BMPER: variants seen among roughly 807,000 people sequenced by gnomAD.
BMPER encodes BMP binding endothelial regulator.
Under a neutral mutation model 87.3 loss-of-function variants are expected in BMPER, and 45 were observed. The ratio of observed to expected loss-of-function variants is 0.52; its 90% CI spans 0.41 to 0.66. BMPER has a LOEUF of 0.66. Ranked by LOEUF, BMPER falls within the 30% of genes least tolerant of loss-of-function variation. The pLI, the probability that BMPER is intolerant of heterozygous loss-of-function variation, is 0.00. For missense variants in BMPER, 784 were observed against 867.5 expected (o/e 0.90, Z 1.21); for synonymous variants, 326 against 316.2 (o/e 1.03, Z -0.33).
intron 6 of BMPER, among the ~76,000 whole-genome samples, chr7:34,022,224 C>T (rs373704782): frequency 6.6e-6 from 1 of 152,072 alleles, no homozygotes; most frequent in South Asian, 2.1e-4. Flanking sequence ...GAAACTAAAA[C>T]GATTCCCACT....
chr7:34,123,540 A>T (rs1479997258), intron 13 of BMPER, among the ~76,000 whole-genome samples: 1 of 152,192 alleles, frequency 6.6e-6, no homozygotes, highest in African/African-American at 2.4e-5. Flanking sequence ...AATCTCCCTG[A>T]TGATTCTAAA....
intron 2 of BMPER, among the ~76,000 whole-genome samples, chr7:33,924,955 C>T (rs1047942091): frequency 3.3e-5 from 5 of 152,206 alleles, no homozygotes; most frequent in Non-Finnish European, 5.9e-5. Flanking sequence ...AGCCACTGCA[C>T]CCGGCCTAAA....
At chr7:33,973,569 G>T (rs1003994928) in intron 5 of BMPER, among the ~76,000 whole-genome samples, 1 of 152,228 alleles carries the variant, frequency 6.6e-6, no homozygotes, top group Admixed American at 6.5e-5. Context: ...AGATCAGGTG[G>T]ATGTAATGCC....
rs371283313 is a variant in BMPER at position 33,957,737 on chromosome 7, A to G, written c.320-8742A>G. Among the ~76,000 whole-genome samples the G allele has an allele frequency of 1.2e-4, 18 of 152,304 alleles. No homozygotes were observed. In the South Asian group the frequency reaches 3.5e-3, roughly 30 times the overall value. On this transcript the variant is annotated intron_variant, in intron 3 of 14. Transcript: ENST00000649409. ...CAAAGGGTGCATGGAACCTACCTGTATATTTGTTTGCACCTTTCTGTGAAT... is the reference window on the plus strand; with the variant it reads ...CAAAGGGTGCATGGAACCTACCTGTGTATTTGTTTGCACCTTTCTGTGAAT...
At chr7:33,966,330 T>A in intron 3 of BMPER, 149 bp from the exon 4 acceptor site, 1 of 686,804 alleles carries the variant, frequency 1.5e-6, no homozygotes, top group Non-Finnish European at 2.7e-6. Context: ...AAGGCTTAGT[T>A]GTGTTTTGGG....
In BMPER at chr7:34,058,146, A is replaced by C. The variant is rs1408961967; in HGVS notation, c.1015A>C (p.Ile339Leu). The change falls in exon 10 of 15, where the codon ATC (isoleucine) becomes CTC (leucine). Residue 339 changes from isoleucine to leucine, a missense_variant. Coordinates refer to ENST00000649409, the MANE Select transcript of BMPER (RefSeq NM_001365308.1). Reference sequence around the variant, plus strand: ...GTGTCGCAATAAGCAGTGCATTCCCATCAGTAGCTGCCCACAGGTATGTTT... The same window carrying C: ...GTGTCGCAATAAGCAGTGCATTCCCCTCAGTAGCTGCCCACAGGTATGTTT... ...TECRNKQCIP[I>L]SSCPQGKILN... is the part of the protein sequence containing the mutation. 1 of 1,613,972 alleles carries C rather than the reference A, an allele frequency of 6.2e-7. No individual in the cohort carries two copies. The highest frequency in any genetic ancestry group is 8.5e-7 in the Non-Finnish European group (1 of 1,179,884).
intron 6 of BMPER, among the ~76,000 whole-genome samples, chr7:34,001,411 T>G (rs910272352): frequency 7.9e-5 from 12 of 151,940 alleles, no homozygotes; most frequent in Non-Finnish European, 1.8e-4. Context: ...TTCAGTAGTT[T>G]GTGTGTTTCT....
At chr7:34,001,131 T>C (rs1392896251) in intron 6 of BMPER, among the ~76,000 whole-genome samples, 13 of 151,974 alleles carry the variant, frequency 8.6e-5, no homozygotes, top group Admixed American at 8.5e-4. Context: ...GTTTGATCTG[T>C]AGGGTTTTTG....
chr7:33,925,331 C>G (rs542178959), intron 2 of BMPER, among the ~76,000 whole-genome samples: 1 of 152,150 alleles, frequency 6.6e-6, no homozygotes, highest in African/African-American at 2.4e-5. Context: ...GATGACTTGC[C>G]CTTTTCGTAG....
chr7:34,059,318 C>G (rs1053622721), intron 10 of BMPER, among the ~76,000 whole-genome samples: 2 of 152,006 alleles, frequency 1.3e-5, no homozygotes, highest in Non-Finnish European at 2.9e-5. Context: ...AGCAGGCCGC[C>G]GTGGAGTTTC....
intron 6 of BMPER, among the ~76,000 whole-genome samples, chr7:33,977,709 A>G (rs1785724726): frequency 6.6e-6 from 1 of 152,188 alleles, no homozygotes; most frequent in Admixed American, 6.5e-5. Flanking sequence ...TATTTATGTG[A>G]CTATATATTT....
intron 6 of BMPER, among the ~76,000 whole-genome samples, chr7:33,978,366 C>G (rs1299419908): frequency 6.6e-6 from 1 of 152,212 alleles, no homozygotes; most frequent in Non-Finnish European, 1.5e-5. Flanking sequence ...GTTACCCACT[C>G]TCAGATATTT....
At chr7:34,002,855 T>C (rs1278308109) in intron 6 of BMPER, among the ~76,000 whole-genome samples, 1 of 151,770 alleles carries the variant, frequency 6.6e-6, no homozygotes, top group African/African-American at 2.4e-5. Flanking sequence ...CTTTGCATAG[T>C]ATATCTTTCT....
chr7:33,908,943 G>T (rs887305091), intron 2 of BMPER, among the ~76,000 whole-genome samples: 5 of 152,140 alleles, frequency 3.3e-5, no homozygotes, highest in African/African-American at 9.7e-5. Flanking sequence ...TAACACTCTT[G>T]TACATTTCCA....
In BMPER at chr7:33,939,773, C is replaced by A. The variant is rs151088484; in HGVS notation, c.319+2385C>A. Among the ~76,000 whole-genome samples the A allele has an allele frequency of 2.8e-4, 42 of 152,258 alleles. 2 individuals are homozygous for A. In the East Asian group the frequency reaches 7.9e-3, roughly 29 times the overall value. Reference sequence around the variant, plus strand: ...ATGATTGTAACTTTCCTGAGGCCTCCCCAGCCATGCTGAGCTGTGACGCAA... The same window carrying A: ...ATGATTGTAACTTTCCTGAGGCCTCACCAGCCATGCTGAGCTGTGACGCAA... On this transcript the variant is annotated intron_variant, in intron 3 of 14. Transcript: ENST00000649409.
rs746133977 is a variant in BMPER at position 34,041,025 on chromosome 7, T to C, written c.577-5281T>C. ...TACCAGGGAAGACACAAGAGACGTC[T>C]AGAAGGAGAGAAAGTTCTGGCCATC... On this transcript the variant is annotated intron_variant, in intron 6 of 14. Transcript: ENST00000649409. 1.2e-3 allele frequency among the ~76,000 whole-genome samples: 187 copies of C among 152,302 alleles called. 2 individuals are homozygous for C. The highest frequency in any genetic ancestry group is 2.4e-3 in the Non-Finnish European group (164 of 68,022).
intron 12 of BMPER, 127 bp downstream of exon 12, chr7:34,079,313 G>A: frequency 8.0e-7 from 1 of 1,250,168 alleles, no homozygotes; most frequent in African/African-American, 1.5e-5. Flanking sequence ...GCAGAGCCAG[G>A]TTCCAACTGC....
chr7:33,961,796 A>G (rs193144202), intron 3 of BMPER, among the ~76,000 whole-genome samples: 7 of 152,268 alleles, frequency 4.6e-5, no homozygotes, highest in Admixed American at 3.3e-4. Context: ...TTGAACATGC[A>G]TTCAGAAGCT....
intron 2 of BMPER, chr7:33,921,814 C>G: frequency 2.1e-6 from 1 of 470,908 alleles, no homozygotes. Flanking sequence ...GACACAAAAC[C>G]CAGGGTTTTA....
Sources: gnomAD v4.1 joint callset for allele counts (sites outside exome capture counted in the v4.1 genomes callset) on GRCh38, gnomAD v4.1.1 for gene constraint, MANE v1.5 for transcripts, NCBI Gene and HGNC (gene_info 2026-07-23, HGNC 2026-07-21) for gene names.